KCTD8: variants seen among roughly 807,000 people sequenced by gnomAD.
The protein encoded by KCTD8 is potassium channel tetramerization domain containing 8.
KCTD8 carries 27 observed loss-of-function variants against 31.5 expected under a neutral mutation model. That is an observed-to-expected ratio of 0.86 (90% CI 0.63 to 1.18). The LOEUF is 1.18. Ranked by LOEUF, KCTD8 falls within the 50% of genes most tolerant of loss-of-function variation. The pLI, the probability that KCTD8 is intolerant of heterozygous loss-of-function variation, is 0.00. For synonymous variants in KCTD8, 290 were observed against 280.0 expected (o/e 1.04, Z -0.36); for missense variants, 658 against 647.7 (o/e 1.02, Z -0.17).
intron 1 of KCTD8, among the ~76,000 whole-genome samples, chr4:44,417,625 A>G (rs201483671): frequency 1.8e-4 from 1 of 5,630 alleles, no homozygotes; most frequent in Non-Finnish European, 6.4e-4. Flanking sequence ...ATATAGATAA[A>G]CAATATGCTG....
At chr4:44,223,955 CT>C (rs1262834658) in intron 1 of KCTD8, among the ~76,000 whole-genome samples, 1 of 152,256 alleles carries the variant, frequency 6.6e-6, no homozygotes, top group Admixed American at 6.5e-5. Flanking sequence ...TTATCTGGCC[CT>C]TAAGAAAAGT....
At chr4:44,220,363 G>A (rs1359683982) in intron 1 of KCTD8, among the ~76,000 whole-genome samples, 2 of 152,152 alleles carry the variant, frequency 1.3e-5, no homozygotes, top group Non-Finnish European at 2.9e-5. Context: ...CTTCAGAAGT[G>A]GGTGGAAAAC....
chr4:44,420,533 G>A (rs577241227), intron 1 of KCTD8, among the ~76,000 whole-genome samples: 12 of 152,304 alleles, frequency 7.9e-5, no homozygotes, highest in African/African-American at 2.9e-4. Context: ...TGTGTTTCAA[G>A]AGAAGTTTAT....
rs538786708 is a variant in KCTD8 at position 44,302,555 on chromosome 4, T to C, written c.962-127305A>G. On this transcript the variant is annotated intron_variant, in intron 1 of 1. Transcript: ENST00000360029. ...GGTGTATAAGAATGCTTGTGATTTT[T>C]GTACATTGATTTTGTATCCTGAGAC... 2.8e-4 allele frequency among the ~76,000 whole-genome samples: 43 copies of C among 152,212 alleles called. 1 individual carries two copies. The East Asian group carries it at 7.9e-3, about 28-fold the overall frequency.
At chr4:44,391,322 G>T (rs1288778919) in intron 1 of KCTD8, among the ~76,000 whole-genome samples, 1 of 151,730 alleles carries the variant, frequency 6.6e-6, no homozygotes, top group African/African-American at 2.4e-5. Context: ...AAAACCTATT[G>T]AAATTTTTAA....
intron 1 of KCTD8, among the ~76,000 whole-genome samples, chr4:44,286,273 T>C (rs559906275): frequency 3.0e-4 from 46 of 152,156 alleles, no homozygotes; most frequent in Non-Finnish European, 4.4e-4. Context: ...ATCCAATACT[T>C]AGATATCATA....
chr4:44,267,263 T>A (rs184681758), intron 1 of KCTD8, among the ~76,000 whole-genome samples: 5 of 152,074 alleles, frequency 3.3e-5, no homozygotes. Flanking sequence ...CTGAACTACA[T>A]GGAAACTGAA....
intron 1 of KCTD8, among the ~76,000 whole-genome samples, chr4:44,420,090 C>G (rs1320059465): frequency 6.7e-6 from 1 of 149,994 alleles, no homozygotes; most frequent in African/African-American, 2.4e-5. Context: ...AATCAACAAA[C>G]TAAAGAAAAA....
At position 44,197,646 on chromosome 4, in the gene KCTD8, T is replaced by G. The variant is rs559242375; in HGVS notation, c.962-22396A>C. ...GTACAGAGCCTTGGCCTTCTGAAAGTGCACAGAAACAAAACCAACTGACTA... is the reference window on the plus strand; with the variant it reads ...GTACAGAGCCTTGGCCTTCTGAAAGGGCACAGAAACAAAACCAACTGACTA... On this transcript the variant is annotated intron_variant, in intron 1 of 1. Coordinates refer to ENST00000360029, the MANE Select transcript of KCTD8 (RefSeq NM_198353.3). 2.6e-5 allele frequency among the ~76,000 whole-genome samples: 4 copies of G among 152,140 alleles called. No individual in the cohort carries two copies. In the East Asian group the frequency reaches 7.7e-4, roughly 29 times the overall value.
intron 1 of KCTD8, among the ~76,000 whole-genome samples, chr4:44,299,000 T>C (rs2109390651): frequency 6.6e-6 from 1 of 152,304 alleles, no homozygotes; most frequent in East Asian, 1.9e-4. Context: ...ATAAATAATT[T>C]ACTTATTATT....
intron 1 of KCTD8, among the ~76,000 whole-genome samples, chr4:44,243,923 A>C (rs1326499475): frequency 6.6e-6 from 1 of 152,158 alleles, no homozygotes; most frequent in Non-Finnish European, 1.5e-5. Context: ...TTTTTACTAC[A>C]TGCTTCCACT....
At chr4:44,188,738 G>C (rs977135070) in intron 1 of KCTD8, among the ~76,000 whole-genome samples, 2 of 152,156 alleles carry the variant, frequency 1.3e-5, no homozygotes, top group South Asian at 4.1e-4. Flanking sequence ...GAGGAGAAGG[G>C]GGCAATGTGT....
intron 1 of KCTD8, among the ~76,000 whole-genome samples, chr4:44,436,587 T>C (rs766983129): frequency 6.6e-6 from 1 of 152,086 alleles, no homozygotes; most frequent in African/African-American, 2.4e-5. Flanking sequence ...GGAATAGTGG[T>C]TATGTTTTTA....
intron 1 of KCTD8, among the ~76,000 whole-genome samples, chr4:44,427,488 G>A (rs887648995): frequency 6.9e-6 from 1 of 145,328 alleles, no homozygotes; most frequent in Non-Finnish European, 1.5e-5. Context: ...GGAATTAACA[G>A]GCAAACTATT....
chr4:44,216,874 C>T (rs1360676885), intron 1 of KCTD8, among the ~76,000 whole-genome samples: 2 of 151,986 alleles, frequency 1.3e-5, no homozygotes, highest in Non-Finnish European at 2.9e-5. Context: ...ACAAGTGACT[C>T]TATACACTTC....
chr4:44,423,597 CT>C (rs904333918), intron 1 of KCTD8, among the ~76,000 whole-genome samples: 1 of 152,002 alleles, frequency 6.6e-6, no homozygotes, highest in African/African-American at 2.4e-5. Flanking sequence ...AATTCATCTC[CT>C]TTTAAAAGCA....
In KCTD8 at chr4:44,278,916, T is replaced by G. The variant is rs10517093; in HGVS notation, c.962-103666A>C. Among the ~76,000 whole-genome samples, 879 of 152,168 alleles carry G rather than the reference T, an allele frequency of 5.8e-3. 9 individuals are homozygous for G. The highest frequency in any genetic ancestry group is 0.018 in the African/African-American group (767 of 41,548). On this transcript the variant is annotated intron_variant, in intron 1 of 1. Coordinates refer to ENST00000360029, the MANE Select transcript of KCTD8 (RefSeq NM_198353.3). ...TTGATATGCTGTGACTGCCAGGCTA[T>G]CTCCTATCTATTTTTATTTCTTGCA... is the stretch of plus-strand genomic sequence containing the variant.
chr4:44,356,977 C>T (rs533457047), intron 1 of KCTD8, among the ~76,000 whole-genome samples: 1 of 151,906 alleles, frequency 6.6e-6, no homozygotes, highest in Non-Finnish European at 1.5e-5. Context: ...TGTAACATTC[C>T]ATGAAATTAC....
intron 1 of KCTD8, among the ~76,000 whole-genome samples, chr4:44,363,347 T>C (rs1485196788): frequency 2.0e-5 from 3 of 152,138 alleles, no homozygotes; most frequent in Non-Finnish European, 4.4e-5. Flanking sequence ...GATGTGTTCC[T>C]ACAAATTGTA....
Sources: gnomAD v4.1 joint callset for allele counts (sites outside exome capture counted in the v4.1 genomes callset) on GRCh38, gnomAD v4.1.1 for gene constraint, MANE v1.5 for transcripts, NCBI Gene and HGNC (gene_info 2026-07-23, HGNC 2026-07-21) for gene names.